The following ARMH4 variants were observed in gnomAD, a reference collection of about 807,000 sequenced individuals.
ARMH4 encodes armadillo-like helical domain-containing protein 4.
Under a neutral mutation model 61.9 loss-of-function variants are expected in ARMH4, and 49 were observed. The ratio of observed to expected loss-of-function variants is 0.79; its 90% confidence interval spans 0.63 to 1.00. The LOEUF (loss-of-function observed/expected upper bound fraction) is 1.00. Ranked by LOEUF, ARMH4 falls within the 50% of genes least tolerant of loss-of-function variation. The pLI, the probability that ARMH4 is intolerant of heterozygous loss-of-function variation, is 0.00. For missense variants in ARMH4, 934 were observed against 930.0 expected, an observed-to-expected ratio of 1.00 and a Z score of -0.06; for synonymous variants, 368 against 341.5, an observed-to-expected ratio of 1.08 and a Z score of -0.85.
intron 4 of ARMH4, among the ~76,000 whole-genome samples, chr14:58,113,079 A>G (rs1448991877): frequency 1.3e-5 from 2 of 152,154 alleles, no homozygotes; most frequent in African/African-American, 4.8e-5. Flanking sequence ...CACAACCCAT[A>G]TTCTTTTTTA....
intron 4 of ARMH4, among the ~76,000 whole-genome samples, chr14:58,119,034 T>C (rs1437297225): frequency 1.3e-5 from 2 of 152,196 alleles, no homozygotes. Flanking sequence ...CTGTAGACTA[T>C]TGTGTCTAGA....
chr14:58,030,193 G>T (rs1009656976), intron 5 of ARMH4, among the ~76,000 whole-genome samples: 1 of 152,112 alleles, frequency 6.6e-6, no homozygotes, highest in African/African-American at 2.4e-5. Context: ...AGGGGAGAGA[G>T]TAGAACTCAT....
intron 4 of ARMH4, among the ~76,000 whole-genome samples, chr14:58,122,369 G>A (rs1445415814): frequency 6.6e-6 from 1 of 152,152 alleles, no homozygotes; most frequent in Non-Finnish European, 1.5e-5. Context: ...ACAGGGAAAG[G>A]AAGAAAATCC....
At chr14:58,077,542 G>T (rs1387589556) in intron 5 of ARMH4, among the ~76,000 whole-genome samples, 4 of 152,208 alleles carry the variant, frequency 2.6e-5, no homozygotes, top group Admixed American at 6.5e-5. Context: ...GGGAGGTCAA[G>T]GTTGTAATGA....
intron 5 of ARMH4, among the ~76,000 whole-genome samples, chr14:58,020,028 G>A (rs1320860278): frequency 6.6e-6 from 1 of 152,084 alleles, no homozygotes; most frequent in African/African-American, 2.4e-5. Flanking sequence ...AGAGATCCAG[G>A]ATTTGTCTGA....
At position 58,026,338 on chromosome 14, in the gene ARMH4, G is replaced by GA. The variant is rs879745016; in HGVS notation, c.2090-14189dup. Among the ~76,000 whole-genome samples the GA allele has an allele frequency of 8.2e-3, 1,227 of 149,482 alleles. 15 individuals carry two copies. Among genetic ancestry groups the GA allele is most frequent in the Non-Finnish European group, 0.012 (815 of 67,234 alleles). On this transcript the variant is annotated intron_variant, in intron 5 of 7. Coordinates refer to ENST00000267485, the MANE Select transcript of ARMH4 (RefSeq NM_001001872.4). ...TCCCCCTATGCTTGATCATGAAGCG[G>GA]AAAAAAAAAATCACTTCTCTTTACC...
At chr14:58,079,529 T>C (rs2141240081) in intron 5 of ARMH4, among the ~76,000 whole-genome samples, 1 of 152,316 alleles carries the variant, frequency 6.6e-6, no homozygotes, top group Middle Eastern at 3.4e-3. Context: ...ACTGTTGCAA[T>C]GGGGATTAAG....
At position 58,003,028 on chromosome 14, in the gene ARMH4, T is replaced by C. The variant is rs1882033099; in HGVS notation, c.*1708A>G. 7.3e-6 allele frequency: 1 copy of C among 137,774 alleles called. No homozygotes were observed. Among genetic ancestry groups the C allele is most frequent in the Non-Finnish European group, 1.6e-5 (1 of 61,830 alleles). 8.5% of individuals were successfully genotyped at this position (137,774 alleles called of 1,614,324 possible). A position where few individuals can be genotyped will look rare whatever the true frequency, so the allele number is the denominator to read the frequency against. ...TAGAGGTGATACTCAAATGTATGACTGTAAAGGAAATAACTGATAACTGAG... is the reference window on the plus strand; with the variant it reads ...TAGAGGTGATACTCAAATGTATGACCGTAAAGGAAATAACTGATAACTGAG... On this transcript the variant is annotated 3_prime_UTR_variant, in exon 8 of 8. Transcript: ENST00000267485.
chr14:58,027,244 GCC>G (rs1883053060), intron 5 of ARMH4, among the ~76,000 whole-genome samples: 1 of 152,224 alleles, frequency 6.6e-6, no homozygotes, highest in African/African-American at 2.4e-5. Flanking sequence ...ACGGCATAGT[GCC>G]CATAGCTAAT....
intron 5 of ARMH4, among the ~76,000 whole-genome samples, chr14:58,085,291 CAA>C (rs1335889009): frequency 6.6e-6 from 1 of 151,858 alleles, no homozygotes; most frequent in Admixed American, 6.6e-5. Flanking sequence ...TGTATTTTTT[CAA>C]AGAGGACAAT....
At position 58,003,714 on chromosome 14, in the gene ARMH4, A is replaced by G. The variant is rs1882058605; in HGVS notation, c.*1022T>C. The G allele has an allele frequency of 6.6e-6, 1 of 152,208 alleles. No individual in the cohort carries two copies. The highest frequency in any genetic ancestry group is 2.1e-4 in the South Asian group (1 of 4,814). 9.4% of individuals were successfully genotyped at this position (152,208 alleles called of 1,614,324 possible). On this transcript the variant is annotated 3_prime_UTR_variant, in exon 8 of 8. Transcript: ENST00000267485. ...CCCATGAGCTCTGTTGTTCACCAGG[A>G]CTCTGGCCACTGGGCAGACAAACGA...
chr14:58,040,022 C>T (rs1210660322), intron 5 of ARMH4, among the ~76,000 whole-genome samples: 1 of 151,886 alleles, frequency 6.6e-6, no homozygotes, highest in Non-Finnish European at 1.5e-5. Flanking sequence ...AAACAGGGAA[C>T]AAAAACAACA....
chr14:58,116,858 T>C (rs1297192340), intron 4 of ARMH4, among the ~76,000 whole-genome samples: 5 of 152,226 alleles, frequency 3.3e-5, no homozygotes, highest in Non-Finnish European at 1.5e-5. Context: ...TGAGCCCATA[T>C]AATTGGTATG....
Position 58,132,974 on chromosome 14 carries a change from C to G in ARMH4, c.1621+116G>C, listed in dbSNP as rs1887168665. 7.7e-6 allele frequency: 8 copies of G among 1,037,218 alleles called. No homozygotes were observed. In the East Asian group the frequency reaches 1.2e-4, roughly 16 times the overall value. 64.3% of individuals were successfully genotyped at this position (1,037,218 alleles called of 1,614,324 possible). A position where few individuals can be genotyped will look rare whatever the true frequency, so the allele number is the denominator to read the frequency against. On this transcript the variant is annotated intron_variant, in intron 3 of 7. Coordinates refer to ENST00000267485, the MANE Select transcript of ARMH4 (RefSeq NM_001001872.4). ...AGGTAAAGGTGTGTGTGTGTGTGTA[C>G]GTGCACGCACGCGCGCGCTGATGGC...
At chr14:58,039,278 C>T (rs759262465) in intron 5 of ARMH4, among the ~76,000 whole-genome samples, 1 of 152,192 alleles carries the variant, frequency 6.6e-6, no homozygotes, top group Non-Finnish European at 1.5e-5. Context: ...ATTCCCTTCT[C>T]TTTATCCTTT....
chr14:58,116,663 G>A (rs554659625), intron 4 of ARMH4, among the ~76,000 whole-genome samples: 1 of 152,314 alleles, frequency 6.6e-6, no homozygotes, highest in East Asian at 1.9e-4. Flanking sequence ...ACAATAGAGT[G>A]AGACCTTGTC....
chr14:58,137,645 G>C (rs2139974627), intron 2 of ARMH4, among the ~76,000 whole-genome samples: 1 of 152,262 alleles, frequency 6.6e-6, no homozygotes, highest in East Asian at 1.9e-4. Flanking sequence ...TAAGCCGCCT[G>C]CCTTGGCCTC....
chr14:58,001,566 G>A lies in ARMH4; in HGVS notation c.*3170C>T, dbSNP rs1399411012. 2 of 152,152 alleles carry A rather than the reference G, an allele frequency of 1.3e-5. No homozygotes were observed. Among genetic ancestry groups the A allele is most frequent in the South Asian group, 2.1e-4 (1 of 4,824 alleles). The allele number at this position is 152,152 out of a possible 1,614,324, so 9.4% of individuals were successfully genotyped here. On this transcript the variant is annotated 3_prime_UTR_variant, in exon 8 of 8. Coordinates refer to ENST00000267485, the MANE Select transcript of ARMH4 (RefSeq NM_001001872.4). ...TTTCTCCACATCCTCAGAAACAATT[G>A]TTATATTTTGTTTTATTGAATAATA...
rs1269438891 is a variant in ARMH4, at chr14:58,064,105, AATTTTGC to A, written c.2089+32612_2089+32618del. Among the ~76,000 whole-genome samples, 733 of 152,216 alleles carry A rather than the reference AATTTTGC, an allele frequency of 4.8e-3. 1 individual carries two copies. The highest frequency in any genetic ancestry group is 0.017 in the African/African-American group (719 of 41,466). On this transcript the variant is annotated intron_variant, in intron 5 of 7. Coordinates refer to ENST00000267485, the MANE Select transcript of ARMH4 (RefSeq NM_001001872.4). ...CCAACACCCAAAATGTTGGCATTAA[AATTTTGC>A]CTTAACAATTCCAACACACGATTAT... is the stretch of plus-strand genomic sequence containing the variant.
Sources: gnomAD v4.1 joint callset for allele counts (sites outside exome capture counted in the v4.1 genomes callset) on GRCh38, gnomAD v4.1.1 for gene constraint, MANE v1.5 for transcripts, NCBI Gene and HGNC (gene_info 2026-07-23, HGNC 2026-07-21) for gene names.